The following SCRN1 variants were observed in gnomAD, a reference collection of about 807,000 sequenced individuals.
SCRN1 encodes secernin-1.
SCRN1 carries 19 observed loss-of-function variants against 43.3 expected under a neutral mutation model. The ratio of observed to expected loss-of-function variants is 0.44; its 90% CI spans 0.31 to 0.64. SCRN1 has a LOEUF of 0.64. Ranked by LOEUF, SCRN1 falls within the 30% of genes least tolerant of loss-of-function variation. The probability of loss-of-function intolerance (pLI) is 0.09; values close to 1 mark genes in which losing one functional copy is unlikely to be tolerated. For missense variants in SCRN1, 447 were observed against 524.1 expected (o/e 0.85, Z 1.44); for synonymous variants, 183 against 188.9 (o/e 0.97, Z 0.26).
chr7:29,976,367 A>G (rs1330340834), intron 1 of SCRN1, among the ~76,000 whole-genome samples: 1 of 152,226 alleles, frequency 6.6e-6, no homozygotes, highest in African/African-American at 2.4e-5. Flanking sequence ...TACATAAGGC[A>G]TCTAGAATAG....
In SCRN1 at chr7:29,923,881, A is replaced by G; in HGVS notation, c.*76T>C. On this transcript the variant is annotated 3_prime_UTR_variant, in exon 8 of 8. Transcript: ENST00000242059. ...ATTAACTTTCTCATTTTACTCAAAC[A>G]GGAGAGTGGTTTGTTTTGCTGGTAA... The G allele has an allele frequency of 6.9e-7, 1 of 1,458,228 alleles. No homozygotes were observed. Among genetic ancestry groups the G allele is most frequent in the East Asian group, 2.3e-5 (1 of 43,670 alleles). The allele number at this position is 1,458,228 out of a possible 1,614,324, so 90.3% of individuals were successfully genotyped here. A position where few individuals can be genotyped will look rare whatever the true frequency, so the allele number is the denominator to read the frequency against.
chr7:29,987,754 A>G (rs1425764417), intron 1 of SCRN1, among the ~76,000 whole-genome samples: 2 of 152,176 alleles, frequency 1.3e-5, no homozygotes, highest in Non-Finnish European at 2.9e-5. Context: ...CAGGCTCTAA[A>G]AGGTAGCATG....
intron 4 of SCRN1, among the ~76,000 whole-genome samples, chr7:29,942,609 G>A (rs902675658): frequency 1.3e-5 from 2 of 152,202 alleles, no homozygotes; most frequent in Non-Finnish European, 2.9e-5. Flanking sequence ...CTGCATTGTA[G>A]GAGAGTTGGA....
chr7:29,939,578 T>C (rs960647959), intron 5 of SCRN1, among the ~76,000 whole-genome samples: 10 of 152,346 alleles, frequency 6.6e-5, no homozygotes, highest in African/African-American at 2.4e-4. Flanking sequence ...CCTGCTCAAC[T>C]CTGCCATTAT....
chr7:29,975,861 T>C (rs936389635), intron 1 of SCRN1, among the ~76,000 whole-genome samples: 13 of 152,238 alleles, frequency 8.5e-5, no homozygotes, highest in African/African-American at 3.1e-4. Flanking sequence ...AAGTCCTTGT[T>C]AAGAGTATTT....
Position 29,977,260 on chromosome 7 carries a change from T to C in SCRN1, c.-1-8192A>G, listed in dbSNP as rs555813896. On this transcript the variant is annotated intron_variant, in intron 1 of 7. Coordinates refer to ENST00000242059, the MANE Select transcript of SCRN1 (RefSeq NM_014766.5). ...CTTCCCTATTCTCCACACTACCAGC[T>C]TTATTGAGCAGACTGAATACATTTA... 7.9e-5 allele frequency among the ~76,000 whole-genome samples: 12 copies of C among 152,326 alleles called. No individual in the cohort carries two copies. The East Asian group carries it at 2.3e-3, about 29-fold the overall frequency.
At chr7:29,967,370 C>T (rs1788529758) in intron 2 of SCRN1, among the ~76,000 whole-genome samples, 1 of 149,136 alleles carries the variant, frequency 6.7e-6, no homozygotes, top group Admixed American at 6.7e-5. Flanking sequence ...TAGAAATACT[C>T]AAAATAGAAA....
Position 29,929,344 on chromosome 7 carries a change from C to A in SCRN1, c.906-2712G>T, listed in dbSNP as rs373879946. Reference sequence around the variant, plus strand: ...CAACACCTGGCAGGCAAGGGAACTGCGACCACGCCCTCCTGCGGAGCCTAC... The same window carrying A: ...CAACACCTGGCAGGCAAGGGAACTGAGACCACGCCCTCCTGCGGAGCCTAC... On this transcript the variant is annotated intron_variant, in intron 6 of 7. Transcript: ENST00000242059. 3.9e-5 allele frequency among the ~76,000 whole-genome samples: 6 copies of A among 152,300 alleles called. No individual in the cohort carries two copies. In the South Asian group the frequency reaches 1.2e-3, roughly 32 times the overall value.
intron 3 of SCRN1, among the ~76,000 whole-genome samples, chr7:29,946,336 C>T (rs1769952793): frequency 6.6e-6 from 1 of 152,188 alleles, no homozygotes; most frequent in Admixed American, 6.5e-5. Flanking sequence ...CTCTCAGAAC[C>T]CCACGTTGTA....
upstream of SCRN1, chr7:29,989,820 GC>G (rs1789306900): frequency 2.0e-6 from 2 of 985,396 alleles, no homozygotes; most frequent in Non-Finnish European, 2.4e-6. Context: ...GGGGCCCGCC[GC>G]CCCCCGCAGC....
At chr7:29,972,937 G>C (rs1043559499) in intron 1 of SCRN1, among the ~76,000 whole-genome samples, 3 of 152,172 alleles carry the variant, frequency 2.0e-5, no homozygotes, top group Non-Finnish European at 4.4e-5. Context: ...GCCACATGTA[G>C]CTAGTAGAAA....
chr7:29,930,784 C>G (rs1432700058), intron 6 of SCRN1, among the ~76,000 whole-genome samples: 1 of 152,234 alleles, frequency 6.6e-6, no homozygotes, highest in Non-Finnish European at 1.5e-5. Context: ...GACAGGAATA[C>G]AAGACGATGG....
At chr7:29,984,636 T>G (rs759555908) in intron 1 of SCRN1, among the ~76,000 whole-genome samples, 1 of 151,746 alleles carries the variant, frequency 6.6e-6, no homozygotes. Context: ...AATTAGAGAA[T>G]TACAAATTAA....
chr7:29,989,651 CGG>C lies in SCRN1; in HGVS notation c.-13_-12del. ...CCCAGACGCGGCTCACCTGGGGCGG[CGG>C]GCTCCGGGCTCCGCTCTCCGCTCTG... On this transcript the variant is annotated 5_prime_UTR_variant, in exon 1 of 8. Coordinates refer to ENST00000242059, the MANE Select transcript of SCRN1 (RefSeq NM_014766.5). The C allele has an allele frequency of 1.0e-6, 1 of 985,652 alleles. No individual in the cohort carries two copies. The highest frequency in any genetic ancestry group is 1.2e-6 in the Non-Finnish European group (1 of 830,112). The allele number at this position is 985,652 out of a possible 1,614,324, so 61.1% of individuals were successfully genotyped here. A position where few individuals can be genotyped will look rare whatever the true frequency, so the allele number is the denominator to read the frequency against.
In SCRN1 at chr7:29,921,362, C is replaced by A. The variant is rs1315881456; in HGVS notation, c.*2595G>T. The stretch of plus-strand genomic sequence containing the variant: ...AACAAGCATTTTTCAAAAGCAAAAT[C>A]TGTTAGGAACATTTAAAAATGAACA... On this transcript the variant is annotated 3_prime_UTR_variant, in exon 8 of 8. Transcript: ENST00000242059. 1 of 152,260 alleles carries A rather than the reference C, an allele frequency of 6.6e-6. No individual in the cohort carries two copies. Among genetic ancestry groups the A allele is most frequent in the Non-Finnish European group, 1.5e-5 (1 of 68,036 alleles). 9.4% of individuals were successfully genotyped at this position (152,260 alleles called of 1,614,324 possible). A position where few individuals can be genotyped will look rare whatever the true frequency, so the allele number is the denominator to read the frequency against.
Position 29,969,028 on chromosome 7 carries a change from G to T in SCRN1, c.40C>A (p.Pro14Thr). ...ACCAGACCATCCTTAGCACGTGGAG[G>T]GAAGGCAACAAAACAGTAACTTGGA... ...APPSYCFVAFPPRAKDGLVVF... is the reference protein window; with the variant it reads ...APPSYCFVAFTPRAKDGLVVF... The change falls in exon 2 of 8, where the codon CCT becomes ACT. Residue 14 changes from proline to threonine, a missense_variant. Physicochemically the swap from Pro to Thr is conservative, Grantham distance 38. Transcript: ENST00000242059. 6.2e-7 allele frequency: 1 copy of T among 1,613,998 alleles called. No individual in the cohort carries two copies. Among genetic ancestry groups the T allele is most frequent in the South Asian group, 1.1e-5 (1 of 91,060 alleles).
chr7:29,947,099 G>A (rs1399052349), intron 3 of SCRN1: 1 of 1,418,048 alleles, frequency 7.1e-7, no homozygotes, highest in East Asian at 2.5e-5. Context: ...GGAAGGGGAA[G>A]AAACTCAATG....
Position 29,940,872 on chromosome 7 carries a change from TC to T in SCRN1, c.548del (p.Gly183GlufsTer2). 6.5e-7 allele frequency: 1 copy of T among 1,537,582 alleles called. No individual in the cohort carries two copies. The highest frequency in any genetic ancestry group is 1.4e-5 in the African/African-American group (1 of 70,768). On this transcript the variant is annotated frameshift_variant, in exon 5 of 8. Coordinates refer to ENST00000242059, the MANE Select transcript of SCRN1 (RefSeq NM_014766.5). LOFTEE classifies it high-confidence loss of function. ...KYWAAEKVTEGVRCICSQLSL... is the reference protein window; with the variant it reads ...KYWAAEKVTEXVRCICSQLSL... ...AAAGCTGACTGCAAATGCACCTCAC[TC>T]CCTCTGCAGAGAGTGCAAAGCCCCA...
chr7:29,952,548 G>C (rs903801445), intron 3 of SCRN1, among the ~76,000 whole-genome samples: 1 of 151,978 alleles, frequency 6.6e-6, no homozygotes, highest in South Asian at 2.1e-4. Context: ...AAATTAGCTG[G>C]GTGTGGTGGC....
Sources: gnomAD v4.1 joint callset for allele counts (sites outside exome capture counted in the v4.1 genomes callset) on GRCh38, gnomAD v4.1.1 for gene constraint, MANE v1.5 for transcripts, NCBI Gene and HGNC (gene_info 2026-07-23, HGNC 2026-07-21) for gene names.